The following RYR2 variants were observed in gnomAD, a reference collection of about 807,000 sequenced individuals.
The protein encoded by RYR2 is cardiac muscle ryanodine receptor-calcium release channel.
Under a neutral mutation model 601.1 loss-of-function variants are expected in RYR2, and 227 were observed. The ratio of observed to expected loss-of-function variants is 0.38; its 90% CI spans 0.34 to 0.42. RYR2 has a LOEUF of 0.42. Ranked by LOEUF, RYR2 falls within the 10% of genes least tolerant of loss-of-function variation. The probability of loss-of-function intolerance (pLI) is 1.00; values close to 1 mark genes in which losing one functional copy is unlikely to be tolerated. For synonymous variants in RYR2, 2,223 were observed against 2,175.1 expected, an observed-to-expected ratio of 1.02 and a Z score of -0.61; for missense variants, 4,646 against 6,156.5, an observed-to-expected ratio of 0.75 and a Z score of 8.21.
At position 237,441,405 on chromosome 1, in the gene RYR2, A is replaced by G; in HGVS notation, c.1092A>G (p.Gln364=). Residue 364 remains glutamine, a synonymous_variant, in exon 13 of 105, where the codon CAA becomes CAG. Coordinates refer to ENST00000366574, the MANE Select transcript of RYR2 (RefSeq NM_001035.3). ...ACGGTGACTCAGTATGCTATATACA[A>G]CATGTAGACACAGGCCTATGGCTTA... The part of the protein sequence containing the change: ...IKYGDSVCYI[Q]HVDTGLWLTY... 6.2e-7 allele frequency: 1 copy of G among 1,613,334 alleles called. No individual in the cohort carries two copies. Among genetic ancestry groups the G allele is most frequent in the Non-Finnish European group, 8.5e-7 (1 of 1,179,448 alleles).
chr1:237,812,523 C>G (rs1165252569), intron 100 of RYR2, among the ~76,000 whole-genome samples: 1 of 152,092 alleles, frequency 6.6e-6, no homozygotes, highest in Admixed American at 6.6e-5. Context: ...CATCACTGCT[C>G]AAATATTGCA....
intron 1 of RYR2, among the ~76,000 whole-genome samples, chr1:237,244,755 T>G (rs1444753440): frequency 6.6e-6 from 1 of 152,174 alleles, no homozygotes; most frequent in Non-Finnish European, 1.5e-5. Flanking sequence ...CCTGTATGTC[T>G]GTGTCCTGAA....
At position 237,786,034 on chromosome 1, in the gene RYR2, C is replaced by T. The variant is rs768161152; in HGVS notation, c.13326C>T (p.Ala4442=). The part of the protein sequence containing the change: ...KEETKSEPEK[A]EGEDGEKEEK... ...AAACCAAATCTGAACCTGAAAAAGCCGAGTATGTATAGTTTGCATATACTT... is the reference window on the plus strand; with the variant it reads ...AAACCAAATCTGAACCTGAAAAAGCTGAGTATGTATAGTTTGCATATACTT... Residue 4442 remains alanine (A), a splice_region_variant and synonymous_variant, in exon 91 of 105, where the codon GCC becomes GCT. Transcript: ENST00000366574. The T allele has an allele frequency of 3.4e-5, 54 of 1,571,630 alleles. No individual in the cohort carries two copies. Among genetic ancestry groups the T allele is most frequent in the East Asian group, 2.1e-4 (9 of 43,870 alleles).
At chr1:237,068,919 T>G (rs1663979465) in intron 1 of RYR2, among the ~76,000 whole-genome samples, 1 of 152,170 alleles carries the variant, frequency 6.6e-6, no homozygotes, top group African/African-American at 2.4e-5. Context: ...AATGGTAACA[T>G]TGCACTGGAG....
chr1:237,043,333 G>T (rs147165050), intron 1 of RYR2, among the ~76,000 whole-genome samples: 78 of 152,308 alleles, frequency 5.1e-4, no homozygotes, highest in African/African-American at 1.8e-3. Context: ...GGAGAACATC[G>T]TGAACGTGTC....
At chr1:237,323,466 G>A (rs1224314538) in intron 2 of RYR2, among the ~76,000 whole-genome samples, 1 of 152,106 alleles carries the variant, frequency 6.6e-6, no homozygotes, top group African/African-American at 2.4e-5. Flanking sequence ...GAGGTATGAT[G>A]GAATGGTTCA....
chr1:237,121,497 C>T (rs78050752), intron 1 of RYR2, among the ~76,000 whole-genome samples: 2,146 of 152,264 alleles, frequency 0.014, 60 homozygotes, highest in South Asian at 0.11. Context: ...AGTTAGGAAA[C>T]GGTAAACTCC....
At chr1:237,562,632 A>G (rs1671571601) in intron 27 of RYR2, among the ~76,000 whole-genome samples, 1 of 152,206 alleles carries the variant, frequency 6.6e-6, no homozygotes, top group Non-Finnish European at 1.5e-5. Context: ...AGACTTGATA[A>G]TGTATGACAG....
chr1:237,237,926 C>CCCTTTCCCCTTT (rs1553357478), intron 1 of RYR2, among the ~76,000 whole-genome samples: 2,352 of 56,096 alleles, frequency 0.042, 665 homozygotes, highest in Middle Eastern at 0.058. Flanking sequence ...TTTTCCCTTT[C>CCCTTTCCCCTTT]CCTTTCCCCT....
intron 1 of RYR2, among the ~76,000 whole-genome samples, chr1:237,138,632 A>C (rs1673062991): frequency 6.6e-6 from 1 of 152,222 alleles, no homozygotes; most frequent in South Asian, 2.1e-4. Context: ...CTAAGTTCAG[A>C]TGTATACAGT....
At chr1:237,800,052 A>G (rs576392523) in intron 97 of RYR2, 5 of 152,164 alleles carry the variant, frequency 3.3e-5, no homozygotes, top group Non-Finnish European at 7.3e-5. Context: ...TCACCGAAAC[A>G]AACAGCATGG....
chr1:237,714,990 TCAAAAAAAAAAAAAAAAAAAAAAA>T (rs1332064926), intron 71 of RYR2, among the ~76,000 whole-genome samples: 1 of 89,400 alleles, frequency 1.1e-5, no homozygotes, highest in Non-Finnish European at 1.9e-5. Flanking sequence ...AGACTCCATC[TCAAAAAAAAAAAAAAAAAAAAAAA>T]AAAAAAAAAG....
At chr1:237,530,909 C>CAAA (rs71180034) in intron 25 of RYR2, among the ~76,000 whole-genome samples, 2 of 145,674 alleles carry the variant, frequency 1.4e-5, no homozygotes, top group African/African-American at 5.1e-5. Flanking sequence ...GACTCCATCT[C>CAAA]AAAAAAAAAA....
chr1:237,520,516 G>A (rs867037609), intron 24 of RYR2, among the ~76,000 whole-genome samples: 5 of 152,102 alleles, frequency 3.3e-5, no homozygotes, highest in African/African-American at 1.2e-4. Flanking sequence ...ATTATGAAGC[G>A]ATGCTGAATT....
intron 17 of RYR2, among the ~76,000 whole-genome samples, chr1:237,487,612 A>T (rs7534841): frequency 6.8e-6 from 1 of 147,816 alleles, no homozygotes; most frequent in South Asian, 2.1e-4. Context: ...AGTCCCAGCC[A>T]CTCAGGAGGC....
chr1:237,748,314 G>A (rs1034992339), intron 80 of RYR2, among the ~76,000 whole-genome samples: 3 of 151,688 alleles, frequency 2.0e-5, no homozygotes, highest in Admixed American at 6.6e-5. Context: ...CGGGGAAGGA[G>A]GATAGGCACT....
chr1:237,511,599 C>A, intron 23 of RYR2, 89 bp from the exon 24 acceptor site: 2 of 1,015,836 alleles, frequency 2.0e-6, no homozygotes, highest in Non-Finnish European at 3.0e-6. Context: ...TTCTTGCCTT[C>A]TGCCTCCACT....
intron 24 of RYR2, among the ~76,000 whole-genome samples, chr1:237,528,791 G>A (rs113811113): frequency 3.3e-5 from 5 of 152,136 alleles, no homozygotes; most frequent in African/African-American, 1.2e-4. Flanking sequence ...TTCCTGGCAT[G>A]TCACACTGAG....
intron 33 of RYR2, among the ~76,000 whole-genome samples, chr1:237,594,885 G>GGTTTTTTTTGTTTT (rs773047111): frequency 0.01 from 794 of 78,964 alleles, 16 homozygotes; most frequent in South Asian, 0.021. Flanking sequence ...AATATCACTG[G>GGTTTTTTTTGTTTT]GTTTTTTTTT....
Sources: gnomAD v4.1 joint callset for allele counts (sites outside exome capture counted in the v4.1 genomes callset) on GRCh38, gnomAD v4.1.1 for gene constraint, MANE v1.5 for transcripts, NCBI Gene and HGNC (gene_info 2026-07-23, HGNC 2026-07-21) for gene names.